ANKFN1: variants seen among roughly 807,000 people sequenced by gnomAD.
ANKFN1 encodes the protein ankyrin repeat and fibronectin type-III domain-containing protein 1.
In ANKFN1, 74 loss-of-function variants were observed where a neutral mutation model predicts 108.7. The observed-to-expected ratio is 0.68, with a 90% CI of 0.56 to 0.83. The LOEUF is 0.83. ANKFN1 is among the 40% of genes least tolerant of loss of function. The pLI is 0.00. For missense variants in ANKFN1, 1,505 were observed against 1,382.3 expected, an observed-to-expected ratio of 1.09 and a Z score of -1.41; for synonymous variants, 547 against 516.2, an observed-to-expected ratio of 1.06 and a Z score of -0.81.
chr17:56,514,007 C>T lies in ANKFN1; in HGVS notation c.*2738C>T, dbSNP rs1039762053. Among the ~76,000 whole-genome samples, 1 of 152,142 alleles carries T rather than the reference C, an allele frequency of 6.6e-6. No individual in the cohort carries two copies. Among genetic ancestry groups the T allele is most frequent in the African/African-American group, 2.4e-5 (1 of 41,428 alleles). ...ACAGTCCTTTATTCATTTGGCCGAC[C>T]TTCTACTTACAGAGACTTTACAATG... is the stretch of plus-strand genomic sequence containing the variant. On this transcript the variant is annotated 3_prime_UTR_variant, in exon 21 of 21. Coordinates refer to ENST00000682825, the MANE Select transcript of ANKFN1 (RefSeq NM_001370326.1).
intron 8 of ANKFN1, among the ~76,000 whole-genome samples, chr17:56,387,894 T>G (rs2047320450): frequency 6.6e-6 from 1 of 152,226 alleles, no homozygotes; most frequent in South Asian, 2.1e-4. Flanking sequence ...TATAGTTAAC[T>G]TATATACTCA....
At chr17:56,491,510 G>C (rs191612125) in intron 18 of ANKFN1, among the ~76,000 whole-genome samples, 3 of 152,156 alleles carry the variant, frequency 2.0e-5, no homozygotes, top group Non-Finnish European at 2.9e-5. Flanking sequence ...GGAGACGAAG[G>C]CTGGACTCTT....
chr17:56,153,401 G>C, upstream of ANKFN1: 1 of 1,419,738 alleles, frequency 7.0e-7, no homozygotes, highest in South Asian at 1.2e-5. Context: ...AGTCTCCCTG[G>C]ATAAAGCCAG....
At position 56,505,573 on chromosome 17, in the gene ANKFN1, A is replaced by C. The variant is rs1820121831; in HGVS notation, c.2645-4900A>C. Among the ~76,000 whole-genome samples, 3 of 152,360 alleles carry C rather than the reference A, an allele frequency of 2.0e-5. No homozygotes were observed. The South Asian group carries it at 6.2e-4, about 32-fold the overall frequency. On this transcript the variant is annotated intron_variant, in intron 20 of 20. Coordinates refer to ENST00000682825, the MANE Select transcript of ANKFN1 (RefSeq NM_001370326.1). ...CAATATTTACTAAGCAGAGATGAGT[A>C]AGACATACATACTGCATGCTCTCTA...
intron 19 of ANKFN1, among the ~76,000 whole-genome samples, chr17:56,496,272 G>A (rs550607825): frequency 1.8e-4 from 27 of 152,076 alleles, no homozygotes; most frequent in Admixed American, 9.8e-4. Context: ...AAATTTCTAC[G>A]CTAAATCCCT....
At chr17:56,321,011 C>T (rs1244708192) in intron 3 of ANKFN1, among the ~76,000 whole-genome samples, 1 of 134,756 alleles carries the variant, frequency 7.4e-6, no homozygotes, top group Non-Finnish European at 1.6e-5. Context: ...GTGCTTAAAA[C>T]AAAATAATCA....
chr17:56,191,902 T>C (rs1221024383), intron 1 of ANKFN1, among the ~76,000 whole-genome samples: 4 of 151,240 alleles, frequency 2.6e-5, no homozygotes, highest in Non-Finnish European at 5.9e-5. Flanking sequence ...TCTTGGAGGC[T>C]TTGCTCATTT....
intron 3 of ANKFN1, among the ~76,000 whole-genome samples, chr17:56,233,150 G>A (rs1298795922): frequency 1.3e-5 from 2 of 151,960 alleles, no homozygotes; most frequent in African/African-American, 2.4e-5. Context: ...AGTAGTAATA[G>A]TTGTATTGTT....
intron 18 of ANKFN1, among the ~76,000 whole-genome samples, chr17:56,488,157 A>G (rs1481251479): frequency 6.6e-6 from 1 of 152,208 alleles, no homozygotes; most frequent in Non-Finnish European, 1.5e-5. Context: ...AGAGTAAAAA[A>G]CAAATAAATC....
At chr17:56,174,222 T>G in intron 1 of ANKFN1, 4 of 985,532 alleles carry the variant, frequency 4.1e-6, no homozygotes, top group Non-Finnish European at 4.8e-6. Flanking sequence ...GTTCTCTCTT[T>G]GCCAGCAGCT....
At chr17:56,491,551 G>A (rs1425602015) in intron 18 of ANKFN1, among the ~76,000 whole-genome samples, 1 of 152,158 alleles carries the variant, frequency 6.6e-6, no homozygotes, top group Non-Finnish European at 1.5e-5. Context: ...TATCTGTTGA[G>A]AGAAGAAAAC....
intron 1 of ANKFN1, among the ~76,000 whole-genome samples, chr17:56,176,190 G>A (rs1308654458): frequency 6.6e-6 from 1 of 152,022 alleles, no homozygotes; most frequent in Non-Finnish European, 1.5e-5. Context: ...GCAAGGAGGG[G>A]TTAAAGAGGC....
Position 56,353,934 on chromosome 17 carries a change from C to G in ANKFN1, c.489C>G (p.Asp163Glu), listed in dbSNP as rs746200763. 2.2e-5 allele frequency: 36 copies of G among 1,613,896 alleles called. No individual in the cohort carries two copies. The highest frequency in any genetic ancestry group is 2.9e-5 in the Non-Finnish European group (34 of 1,179,992). ...ATCAGTACACACCAGAAGAACTTGACCTCAACACACCTAACAGCGAGGGCT... is the reference window on the plus strand; with the variant it reads ...ATCAGTACACACCAGAAGAACTTGAGCTCAACACACCTAACAGCGAGGGCT... ...LLYQYTPEEL[D>E]LNTPNSEGLT... The change falls in exon 6 of 21, where the codon GAC (aspartate) becomes GAG (glutamate). Residue 163 changes from aspartate to glutamate, a missense_variant. By Grantham distance (45) the Asp-to-Glu change is conservative. Coordinates refer to ENST00000682825, the MANE Select transcript of ANKFN1 (RefSeq NM_001370326.1).
intron 1 of ANKFN1, among the ~76,000 whole-genome samples, chr17:56,178,339 A>G (rs537068737): frequency 6.6e-6 from 1 of 152,346 alleles, no homozygotes; most frequent in South Asian, 2.1e-4. Flanking sequence ...CCCGCTATAA[A>G]TCATATCATT....
intron 8 of ANKFN1, among the ~76,000 whole-genome samples, chr17:56,432,095 A>C (rs1161043035): frequency 6.6e-6 from 1 of 152,202 alleles, no homozygotes; most frequent in Non-Finnish European, 1.5e-5. Flanking sequence ...TTAGCAGCCC[A>C]AGCCTGCTGA....
chr17:56,094,142 G>A (rs1005593571), intron 4 of ANKFN1, among the ~76,000 whole-genome samples: 1 of 151,102 alleles, frequency 6.6e-6, no homozygotes, highest in Non-Finnish European at 1.5e-5. Context: ...CAGAAGACAG[G>A]AGAGGGGCAT....
chr17:56,237,851 C>T (rs72833814), intron 3 of ANKFN1, among the ~76,000 whole-genome samples: 19,361 of 151,796 alleles, frequency 0.13, 1,346 homozygotes, highest in East Asian at 0.22. Context: ...TTCTCTAATT[C>T]GTTCTGTTGT....
chr17:56,161,995 CTGT>C (rs1666961665), intron 1 of ANKFN1, among the ~76,000 whole-genome samples: 1 of 152,194 alleles, frequency 6.6e-6, no homozygotes, highest in Non-Finnish European at 1.5e-5. Context: ...GAGTAAGTTT[CTGT>C]TGTTATTTTC....
At chr17:56,357,864 A>G (rs778470811) in intron 6 of ANKFN1, among the ~76,000 whole-genome samples, 2 of 152,086 alleles carry the variant, frequency 1.3e-5, no homozygotes, top group East Asian at 1.9e-4. Flanking sequence ...TGTCTACATC[A>G]TCTCCCTTGA....
Sources: allele counts gnomAD v4.1 joint callset (sites outside exome capture counted in the v4.1 genomes callset), GRCh38; gene constraint gnomAD v4.1.1; transcripts MANE v1.5; gene names NCBI Gene and HGNC (gene_info 2026-07-23, HGNC 2026-07-21).